Variants in CNKSR2 observed in about 807,000 individuals in gnomAD.
The protein encoded by CNKSR2 is CNK homolog protein 2.
In CNKSR2, 14 loss-of-function variants were observed where a neutral mutation model predicts 84.4. The observed-to-expected ratio is 0.17, with a 90% CI of 0.11 to 0.26. The LOEUF (loss-of-function observed/expected upper bound fraction) is 0.26. Among genes scored for constraint, CNKSR2 ranks in the 10% least tolerant of loss-of-function variants. The probability of loss-of-function intolerance (pLI) is 1.00; values close to 1 mark genes in which losing one functional copy is unlikely to be tolerated. For synonymous variants in CNKSR2, 275 were observed against 277.9 expected (o/e 0.99, Z 0.10); for missense variants, 485 against 771.2 (o/e 0.63, Z 4.40).
intron 1 of CNKSR2, among the ~76,000 whole-genome samples, chrX:21,416,913 A>C (rs984222258): frequency 2.7e-5 from 3 of 110,909 alleles, no homozygotes; most frequent in African/African-American, 9.8e-5. Context: ...GCTTCATTTC[A>C]ATTTCATTTG....
At chrX:21,629,622 A>C (rs1260167864) in intron 20 of CNKSR2, among the ~76,000 whole-genome samples, 1 of 111,232 alleles carries the variant, frequency 9.0e-6, no homozygotes, top group Non-Finnish European at 1.9e-5. Flanking sequence ...AGATCTCATG[A>C]GTCTTACAAG....
intron 1 of CNKSR2, among the ~76,000 whole-genome samples, chrX:21,412,205 C>T (rs929294895): frequency 9.0e-6 from 1 of 111,585 alleles, no homozygotes; most frequent in African/African-American, 3.3e-5. Context: ...AACAAGTTTG[C>T]CCTTTACAAT....
chrX:21,568,871 C>T (rs1258998664), intron 13 of CNKSR2, among the ~76,000 whole-genome samples: 1 of 110,772 alleles, frequency 9.0e-6, no homozygotes, highest in East Asian at 2.8e-4. Flanking sequence ...TACTATATTG[C>T]CCCTCAAAAA....
At chrX:21,612,760 G>A (rs1278988385) in intron 20 of CNKSR2, among the ~76,000 whole-genome samples, 1 of 111,868 alleles carries the variant, frequency 8.9e-6, no homozygotes, top group African/African-American at 3.3e-5. Flanking sequence ...CCATGCCTTA[G>A]CTGTTTTTCA....
Position 21,652,567 on chromosome X carries a change from C to G in CNKSR2, c.*46C>G. 1.0e-6 allele frequency: 1 copy of G among 978,785 alleles called. No homozygotes were observed. Among genetic ancestry groups the G allele is most frequent in the Non-Finnish European group, 1.4e-6 (1 of 690,058 alleles). The allele number at this position is 978,785 out of a possible 1,213,427, so 80.7% of individuals were successfully genotyped here. On this transcript the variant is annotated 3_prime_UTR_variant, in exon 22 of 22. Transcript: ENST00000379510. ...ATCTAGTACCTGCTGGTACTCTGAA[C>G]AAGTATATAAGGTAGTTTTTATATC... is the stretch of plus-strand genomic sequence containing the variant.
At chrX:21,582,794 A>G (rs2092361373) in intron 13 of CNKSR2, among the ~76,000 whole-genome samples, 1 of 111,694 alleles carries the variant, frequency 9.0e-6, no homozygotes, top group Non-Finnish European at 1.9e-5. Flanking sequence ...AAGGGTATTG[A>G]TTCATGTTAG....
At chrX:21,633,726 A>G (rs1280442896) in intron 20 of CNKSR2, among the ~76,000 whole-genome samples, 2 of 112,437 alleles carry the variant, frequency 1.8e-5, no homozygotes, top group Non-Finnish European at 3.8e-5. Flanking sequence ...ATTTTTCCAT[A>G]AGAACATTGA....
intron 5 of CNKSR2, among the ~76,000 whole-genome samples, chrX:21,487,736 T>C (rs1041235553): frequency 8.9e-6 from 1 of 112,479 alleles, no homozygotes; most frequent in Non-Finnish European, 1.9e-5. Flanking sequence ...GCAGCCAGTT[T>C]TTATATGTTA....
Position 21,443,053 on chromosome X carries a change from C to T in CNKSR2, c.519+2272C>T, listed in dbSNP as rs1334232238. Among the ~76,000 whole-genome samples the T allele has an allele frequency of 2.7e-5, 3 of 110,475 alleles. No homozygotes were observed. The Admixed American group carries it at 2.9e-4, about 11-fold the overall frequency. ...GAAAAACTACCTTTCGGGTACTATG[C>T]TCATTACGTATGTGATAAAATCTGT... is the stretch of plus-strand genomic sequence containing the variant. On this transcript the variant is annotated intron_variant, in intron 4 of 21. Coordinates refer to ENST00000379510, the MANE Select transcript of CNKSR2 (RefSeq NM_014927.5).
chrX:21,525,336 A>G (rs1490442958), intron 9 of CNKSR2, among the ~76,000 whole-genome samples: 3 of 111,388 alleles, frequency 2.7e-5, no homozygotes, highest in Non-Finnish European at 5.7e-5. Context: ...CAAAATTAGC[A>G]TAGTAAAACA....
At chrX:21,410,095 A>G (rs756100259) in intron 1 of CNKSR2, among the ~76,000 whole-genome samples, 7 of 107,734 alleles carry the variant, frequency 6.5e-5, no homozygotes, top group African/African-American at 2.4e-4. Flanking sequence ...GTCCTATTTG[A>G]TGACTTCATC....
At chrX:21,422,169 T>C (rs2090506427) in intron 1 of CNKSR2, 1 of 111,723 alleles carries the variant, frequency 9.0e-6, no homozygotes, top group African/African-American at 3.3e-5. Flanking sequence ...GCTCACTGCA[T>C]AAGTGGATGC....
At chrX:21,572,351 T>C (rs1340963631) in intron 13 of CNKSR2, among the ~76,000 whole-genome samples, 1 of 112,595 alleles carries the variant, frequency 8.9e-6, no homozygotes, top group Non-Finnish European at 1.9e-5. Context: ...AGTAACCTAC[T>C]AAATGAGTTT....
intron 19 of CNKSR2, among the ~76,000 whole-genome samples, chrX:21,607,340 T>C (rs1263221361): frequency 2.7e-5 from 3 of 111,702 alleles, no homozygotes; most frequent in African/African-American, 9.8e-5. Flanking sequence ...TTAATGTATA[T>C]GTTTGTATGG....
intron 1 of CNKSR2, among the ~76,000 whole-genome samples, chrX:21,377,106 A>C (rs1334227889): frequency 8.9e-6 from 1 of 112,239 alleles, no homozygotes; most frequent in African/African-American, 3.2e-5. Flanking sequence ...GCTATTTGAA[A>C]AGATCAATTG....
intron 20 of CNKSR2, among the ~76,000 whole-genome samples, chrX:21,612,994 G>A (rs2092558289): frequency 8.9e-6 from 1 of 112,153 alleles, no homozygotes; most frequent in African/African-American, 3.2e-5. Context: ...GTTTTCCTTT[G>A]ACTGAAAAGT....
intron 17 of CNKSR2, among the ~76,000 whole-genome samples, chrX:21,596,718 T>C (rs1017396464): frequency 2.7e-5 from 3 of 110,422 alleles, no homozygotes; most frequent in African/African-American, 9.9e-5. Context: ...AGAAAGATGG[T>C]GTTGAGAGCA....
intron 21 of CNKSR2, among the ~76,000 whole-genome samples, chrX:21,650,979 A>C (rs925259706): frequency 4.5e-5 from 5 of 111,513 alleles, no homozygotes; most frequent in Admixed American, 1.9e-4. Flanking sequence ...TTCAGTTCTA[A>C]ACTGCCTGGT....
chrX:21,566,860 C>T (rs1345918639), intron 13 of CNKSR2, among the ~76,000 whole-genome samples: 6 of 111,623 alleles, frequency 5.4e-5, no homozygotes, highest in South Asian at 7.5e-4. Flanking sequence ...CAGGGTTCAA[C>T]TCATTATCCT....
Sources: gnomAD v4.1 joint callset for allele counts (sites outside exome capture counted in the v4.1 genomes callset) on GRCh38, gnomAD v4.1.1 for gene constraint, MANE v1.5 for transcripts, NCBI Gene and HGNC (gene_info 2026-07-23, HGNC 2026-07-21) for gene names.